Variants in TEAD4 observed in about 807,000 individuals in gnomAD.
The protein encoded by TEAD4 is TEA domain transcription factor 4, also known as transcriptional enhancer factor TEF-3.
TEAD4 carries 36 observed loss-of-function variants against 52.4 expected under a neutral mutation model. The observed-to-expected ratio is 0.69, with a 90% confidence interval of 0.53 to 0.91. The LOEUF (loss-of-function observed/expected upper bound fraction) is 0.91. Ranked by LOEUF, TEAD4 falls within the 40% of genes least tolerant of loss-of-function variation. The probability of loss-of-function intolerance (pLI) is 0.00; values close to 1 mark genes in which losing one functional copy is unlikely to be tolerated. For synonymous variants in TEAD4, 220 were observed against 231.0 expected, an observed-to-expected ratio of 0.95 and a Z score of 0.43; for missense variants, 508 against 583.9, an observed-to-expected ratio of 0.87 and a Z score of 1.34.
At chr12:2,992,207 C>CG (rs906428166) in intron 2 of TEAD4, among the ~76,000 whole-genome samples, 28 of 151,742 alleles carry the variant, frequency 1.8e-4, no homozygotes, top group African/African-American at 6.8e-4. Context: ...TTAGTAGAGG[C>CG]GGGGTTTCGC....
chr12:2,966,653 T>C (rs1244533305), intron 2 of TEAD4, among the ~76,000 whole-genome samples: 1 of 151,986 alleles, frequency 6.6e-6, no homozygotes, highest in Non-Finnish European at 1.5e-5. Flanking sequence ...CCTTGTGATC[T>C]GCCCGCCTTG....
At chr12:3,009,010 A>G (rs1172579395) in intron 3 of TEAD4, among the ~76,000 whole-genome samples, 1 of 152,156 alleles carries the variant, frequency 6.6e-6, no homozygotes, top group Non-Finnish European at 1.5e-5. Flanking sequence ...GAGCATGTTC[A>G]TTTTACCGAA....
At chr12:2,999,605 C>T (rs56235575) in intron 3 of TEAD4, among the ~76,000 whole-genome samples, 10,087 of 152,308 alleles carry the variant, frequency 0.066, 420 homozygotes, top group Non-Finnish European at 0.099. Flanking sequence ...CCTCCTGGGC[C>T]GGCTCCCGAG....
At chr12:3,026,438 G>A (rs2153957832) in intron 10 of TEAD4, among the ~76,000 whole-genome samples, 1 of 152,352 alleles carries the variant, frequency 6.6e-6, no homozygotes, top group Non-Finnish European at 1.5e-5. Flanking sequence ...CTGACATCAT[G>A]AGGGACCTGG....
intron 3 of TEAD4, among the ~76,000 whole-genome samples, chr12:3,005,971 C>A (rs2098255626): frequency 6.6e-6 from 1 of 152,114 alleles, no homozygotes; most frequent in Non-Finnish European, 1.5e-5. Flanking sequence ...TATTGCCCAG[C>A]ATGGTGACTG....
At chr12:2,977,862 T>C (rs2098231031) in intron 2 of TEAD4, among the ~76,000 whole-genome samples, 1 of 152,224 alleles carries the variant, frequency 6.6e-6, no homozygotes, top group African/African-American at 2.4e-5. Flanking sequence ...TTCTTGGTCT[T>C]GTTTTCTGAG....
At chr12:2,969,686 A>G (rs1388515943) in intron 2 of TEAD4, among the ~76,000 whole-genome samples, 1 of 152,190 alleles carries the variant, frequency 6.6e-6, no homozygotes. Context: ...AAGGCTTGGG[A>G]CGAGGGTGCA....
rs2098245221 is a variant in TEAD4, at chr12:2,994,033, G to A, written c.-29-705G>A. Among the ~76,000 whole-genome samples the A allele has an allele frequency of 6.6e-6, 1 of 152,178 alleles. No homozygotes were observed. The highest frequency in any genetic ancestry group is 1.9e-4 in the East Asian group (1 of 5,196). ...GAATAATGCTGCCGCGAGCATGAGTGTACATATATATCTTTGAGACCCTGC... is the reference window on the plus strand; with the variant it reads ...GAATAATGCTGCCGCGAGCATGAGTATACATATATATCTTTGAGACCCTGC... On this transcript the variant is annotated intron_variant, in intron 2 of 12. Transcript: ENST00000359864. The surrounding 1 kb of genome is among the most constrained non-coding windows in gnomAD (Gnocchi z 4.7).
intron 5 of TEAD4, 54 bp from the exon 6 acceptor site, chr12:3,017,344 C>A (rs1320788183): frequency 6.2e-7 from 1 of 1,611,812 alleles, no homozygotes; most frequent in African/African-American, 1.3e-5. Flanking sequence ...ACCTGCCTGG[C>A]CTCAGCCTGA....
At chr12:2,981,027 C>A (rs2098233730) in intron 2 of TEAD4, among the ~76,000 whole-genome samples, 1 of 152,182 alleles carries the variant, frequency 6.6e-6, no homozygotes, top group Non-Finnish European at 1.5e-5. Context: ...GGCAGTGCAG[C>A]TACCTCAAGG....
At chr12:3,003,470 G>A (rs1349275288) in intron 3 of TEAD4, among the ~76,000 whole-genome samples, 1 of 152,120 alleles carries the variant, frequency 6.6e-6, no homozygotes, top group Non-Finnish European at 1.5e-5. Flanking sequence ...TTTTGCAGCT[G>A]GGGTAACGTT....
intron 3 of TEAD4, among the ~76,000 whole-genome samples, chr12:3,008,715 C>A (rs1468701455): frequency 1.3e-5 from 2 of 152,130 alleles, no homozygotes; most frequent in Non-Finnish European, 2.9e-5. Flanking sequence ...GAGTAGGTGC[C>A]AGGTACTGGA....
chr12:2,983,245 G>A (rs963744156), intron 2 of TEAD4, among the ~76,000 whole-genome samples: 1 of 152,178 alleles, frequency 6.6e-6, no homozygotes, highest in African/African-American at 2.4e-5. Flanking sequence ...TAGTAACAAT[G>A]AAGACAATAA....
intron 10 of TEAD4, among the ~76,000 whole-genome samples, chr12:3,031,501 C>T (rs925605131): frequency 1.3e-5 from 2 of 152,180 alleles, no homozygotes; most frequent in Non-Finnish European, 2.9e-5. Context: ...AGATAAGGAC[C>T]ATCCTAGGTC....
intron 7 of TEAD4, 125 bp from the exon 8 acceptor site, chr12:3,018,990 A>T: frequency 8.3e-7 from 1 of 1,210,014 alleles, no homozygotes; most frequent in Non-Finnish European, 1.2e-6. Flanking sequence ...TAGGAGGCCA[A>T]GGCCCATCGG....
At position 2,994,714 on chromosome 12, in the gene TEAD4, G is replaced by T; in HGVS notation, c.-29-24G>T. The T allele has an allele frequency of 6.5e-7, 1 of 1,540,704 alleles. No individual in the cohort carries two copies. Among genetic ancestry groups the T allele is most frequent in the South Asian group, 1.3e-5 (1 of 79,374 alleles). On this transcript the variant is annotated intron_variant, in intron 2 of 12. Transcript: ENST00000359864. This position sits in a 1 kb window ranked among gnomAD's most constrained non-coding sequence, Gnocchi z 4.7. ...CACGCAGTTCTTCCACTGCTCACCG[G>T]GGCTGTGGTTCCTGTCCCCACAGGT... is the stretch of plus-strand genomic sequence containing the variant.
chr12:2,993,450 C>T (rs1001624072), intron 2 of TEAD4, among the ~76,000 whole-genome samples: 2 of 151,758 alleles, frequency 1.3e-5, no homozygotes, highest in South Asian at 2.1e-4. Context: ...TGCACCCTGC[C>T]GACTACTTTA....
intron 3 of TEAD4, among the ~76,000 whole-genome samples, chr12:3,005,489 T>C (rs768753240): frequency 7.3e-5 from 11 of 150,736 alleles, no homozygotes; most frequent in Non-Finnish European, 1.5e-4. Flanking sequence ...ATTATTTTTA[T>C]TTATTTTGTT....
intron 2 of TEAD4, among the ~76,000 whole-genome samples, chr12:2,971,973 C>T (rs754103469): frequency 9.3e-5 from 14 of 150,776 alleles, no homozygotes; most frequent in African/African-American, 2.0e-4. Flanking sequence ...TCATGATGCC[C>T]GGCTATTTTT....
Sources: allele counts gnomAD v4.1 joint callset (sites outside exome capture counted in the v4.1 genomes callset), GRCh38; gene constraint gnomAD v4.1.1; non-coding constraint Gnocchi (gnomAD v3.1); transcripts MANE v1.5; gene names NCBI Gene and HGNC (gene_info 2026-07-23, HGNC 2026-07-21).